Variants in CC2D2A observed in about 807,000 individuals in gnomAD.
The protein encoded by CC2D2A is coiled-coil and C2 domain-containing protein 2A.
CC2D2A carries 155 observed loss-of-function variants against 212.9 expected under a neutral mutation model. The observed-to-expected ratio is 0.73, with a 90% CI of 0.64 to 0.83. The LOEUF (loss-of-function observed/expected upper bound fraction) is 0.83. CC2D2A is among the 40% of genes least tolerant of loss of function. The probability of loss-of-function intolerance (pLI) is 0.00; values close to 1 mark genes in which losing one functional copy is unlikely to be tolerated. For synonymous variants in CC2D2A, 667 were observed against 686.5 expected (o/e 0.97, Z 0.44); for missense variants, 1,856 against 1,956.2 (o/e 0.95, Z 0.97).
intron 6 of CC2D2A, among the ~76,000 whole-genome samples, chr4:15,507,371 T>C (rs2109003326): frequency 6.6e-6 from 1 of 152,286 alleles, no homozygotes; most frequent in East Asian, 1.9e-4. Context: ...ACACCCTCAT[T>C]TTTATTCTGG....
intron 11 of CC2D2A, among the ~76,000 whole-genome samples, chr4:15,518,986 C>T (rs369688730): frequency 6.6e-6 from 1 of 152,290 alleles, no homozygotes; most frequent in African/African-American, 2.4e-5. Flanking sequence ...GATAAACATT[C>T]GGCTCCATGT....
At chr4:15,570,521 A>C in intron 28 of CC2D2A, 25 bp downstream of exon 28, 1 of 1,466,698 alleles carries the variant, frequency 6.8e-7, no homozygotes, top group Non-Finnish European at 9.5e-7. Flanking sequence ...TTAGAGGTCC[A>C]TGAGAGCAGG....
At chr4:15,572,976 A>G (rs1167404425) in intron 28 of CC2D2A, among the ~76,000 whole-genome samples, 2 of 152,192 alleles carry the variant, frequency 1.3e-5, no homozygotes, top group African/African-American at 2.4e-5. Flanking sequence ...GGGAAGACTC[A>G]GCCAGTCTAG....
At chr4:15,537,855 T>C (rs760894674) in intron 15 of CC2D2A, 44 bp from the exon 16 acceptor site, 2 of 1,548,526 alleles carry the variant, frequency 1.3e-6, no homozygotes, top group East Asian at 2.4e-5. Context: ...TTAAATGAAA[T>C]TCCAAAATTC....
intron 29 of CC2D2A, among the ~76,000 whole-genome samples, chr4:15,578,827 A>G (rs1274114617): frequency 2.0e-5 from 3 of 151,258 alleles, no homozygotes; most frequent in Middle Eastern, 3.4e-3. Flanking sequence ...TTTTTAATAG[A>G]GACAGGGTCC....
rs972802291 is a variant in CC2D2A, at chr4:15,529,496, A to C, written c.1466+770A>C. On this transcript the variant is annotated intron_variant, in intron 13 of 36. Transcript: ENST00000424120. ...ACCACAGTTAAAATGACTGACTCAT[A>C]TCTGCAGGTATCAACATGGATAAGG... 3.3e-5 allele frequency among the ~76,000 whole-genome samples: 5 copies of C among 152,194 alleles called. No individual in the cohort carries two copies. In the East Asian group the frequency reaches 9.6e-4, roughly 29 times the overall value.
chr4:15,555,160 A>G lies in CC2D2A; in HGVS notation c.2575A>G (p.Lys859Glu), dbSNP rs770990150. 1 of 1,613,810 alleles carries G rather than the reference A, an allele frequency of 6.2e-7. No homozygotes were observed. The highest frequency in any genetic ancestry group is 1.7e-5 in the Admixed American group (1 of 59,990). Residue 859 changes from lysine to glutamate, a missense_variant, in exon 20 of 37, where the codon AAG (lysine) becomes GAG (glutamate). Transcript: ENST00000424120. ...KKLAKWAAES[K>E]LDPNDPNNAP... The stretch of plus-strand genomic sequence containing the variant: ...ATTGGCCAAGTGGGCAGCAGAGTCC[A>G]AGCTCGACCCAAATGACCCCAACAA...
chr4:15,544,195 T>C (rs1181308330), intron 17 of CC2D2A, among the ~76,000 whole-genome samples: 1 of 152,138 alleles, frequency 6.6e-6, no homozygotes, highest in African/African-American at 2.4e-5. Flanking sequence ...GAATAAAACT[T>C]GACTGAGAAA....
intron 13 of CC2D2A, among the ~76,000 whole-genome samples, chr4:15,530,259 C>G (rs1046913903): frequency 6.6e-6 from 1 of 152,194 alleles, no homozygotes; most frequent in African/African-American, 2.4e-5. Flanking sequence ...GCGTGAGCCA[C>G]CGCGCCCGGC....
At chr4:15,477,357 T>G (rs1438386824) in intron 2 of CC2D2A, among the ~76,000 whole-genome samples, 5 of 152,058 alleles carry the variant, frequency 3.3e-5, no homozygotes, top group Non-Finnish European at 5.9e-5. Context: ...CCACATAAAT[T>G]TATATTTGCT....
rs141929992 is a variant in CC2D2A at position 15,555,414 on chromosome 4, G to A, written c.2625+204G>A. Among the ~76,000 whole-genome samples the A allele has an allele frequency of 3.0e-3, 457 of 152,244 alleles. 2 individuals carry two copies. Among genetic ancestry groups the A allele is most frequent in the African/African-American group, 0.01 (428 of 41,552 alleles). Reference sequence around the variant, plus strand: ...CTAAGCCCTGTGCTGCTGTCATAGCGGGGTCATGAGGAAATGAACAGCTGC... The same window carrying A: ...CTAAGCCCTGTGCTGCTGTCATAGCAGGGTCATGAGGAAATGAACAGCTGC... On this transcript the variant is annotated intron_variant, in intron 20 of 36. Coordinates refer to ENST00000424120, the MANE Select transcript of CC2D2A (RefSeq NM_001378615.1).
Position 15,599,409 on chromosome 4 carries a change from A to C in CC2D2A, c.4497-120A>C, listed in dbSNP as rs552477383. 1.8e-4 allele frequency: 112 copies of C among 639,782 alleles called. No individual in the cohort carries two copies. In the African/African-American group the frequency reaches 2.0e-3, roughly 11 times the overall value. 39.6% of individuals were successfully genotyped at this position (639,782 alleles called of 1,614,324 possible). ...AGACATTAACTATGCCTGGATAATCACAACTCCATCAACAAAAATATAGTT... is the reference window on the plus strand; with the variant it reads ...AGACATTAACTATGCCTGGATAATCCCAACTCCATCAACAAAAATATAGTT... On this transcript the variant is annotated intron_variant, in intron 35 of 36. Transcript: ENST00000424120.
intron 11 of CC2D2A, 96 bp downstream of exon 11, chr4:15,516,852 A>G (rs774696851): frequency 1.5e-4 from 179 of 1,225,702 alleles, no homozygotes; most frequent in Non-Finnish European, 1.8e-4. Flanking sequence ...ATTCTACTTT[A>G]ATTTTTTAAA....
intron 24 of CC2D2A, chr4:15,564,206 CAG>C (rs1719768449): frequency 6.6e-6 from 1 of 152,320 alleles, no homozygotes; most frequent in Non-Finnish European, 1.5e-5. Context: ...TCTGAGGAAA[CAG>C]AGAAGGAAGG....
At chr4:15,536,727 T>C (rs931586431) in intron 14 of CC2D2A, among the ~76,000 whole-genome samples, 193 bp from the exon 15 acceptor site, 3 of 152,206 alleles carry the variant, frequency 2.0e-5, no homozygotes, top group Non-Finnish European at 4.4e-5. Flanking sequence ...ACTTAACTTC[T>C]ATGTGCCTCT....
At chr4:15,492,996 G>A in intron 4 of CC2D2A, 1 of 422,090 alleles carries the variant, frequency 2.4e-6, no homozygotes, top group South Asian at 1.9e-5. Context: ...TATTTAGGAT[G>A]ACCTATGTGG....
intron 4 of CC2D2A, among the ~76,000 whole-genome samples, chr4:15,494,830 CAACA>C (rs1412740733): frequency 1.3e-5 from 2 of 152,152 alleles, no homozygotes; most frequent in African/African-American, 2.4e-5. Context: ...CTTTGATTGA[CAACA>C]AACAGTTACA....
At chr4:15,486,558 A>G (rs991591563) in intron 4 of CC2D2A, among the ~76,000 whole-genome samples, 2 of 151,682 alleles carry the variant, frequency 1.3e-5, no homozygotes, top group Non-Finnish European at 3.0e-5. Flanking sequence ...CTTTTTCTTA[A>G]TCTGGCTAAA....
At chr4:15,555,542 C>A (rs995592792) in intron 20 of CC2D2A, among the ~76,000 whole-genome samples, 4 of 152,168 alleles carry the variant, frequency 2.6e-5, no homozygotes, top group Admixed American at 1.3e-4. Context: ...AGTTCGAAAC[C>A]AGTCTGGGCA....
Sources: allele counts gnomAD v4.1 joint callset (sites outside exome capture counted in the v4.1 genomes callset), GRCh38; gene constraint gnomAD v4.1.1; transcripts MANE v1.5; gene names NCBI Gene and HGNC (gene_info 2026-07-23, HGNC 2026-07-21).